FRMPD4: variants seen among roughly 807,000 people sequenced by gnomAD.
The protein encoded by FRMPD4 is FERM and PDZ domain containing 4, also known as FERM and PDZ domain-containing protein 4.
In FRMPD4, 22 loss-of-function variants were observed where a neutral mutation model predicts 94.1. The ratio of observed to expected loss-of-function variants is 0.23; its 90% CI spans 0.17 to 0.33. FRMPD4 has a LOEUF of 0.33. FRMPD4 is among the 10% of genes least tolerant of loss of function. The pLI is 1.00. For missense variants in FRMPD4, 1,111 were observed against 1,339.9 expected, an observed-to-expected ratio of 0.83 and a Z score of 2.67; for synonymous variants, 631 against 548.6, an observed-to-expected ratio of 1.15 and a Z score of -2.10.
At chrX:12,387,672 G>C (rs2148032135) in intron 1 of FRMPD4, among the ~76,000 whole-genome samples, 1 of 109,926 alleles carries the variant, frequency 9.1e-6, no homozygotes, top group African/African-American at 3.3e-5. Flanking sequence ...TTGATATATG[G>C]GTATCATGTC....
intron 1 of FRMPD4, among the ~76,000 whole-genome samples, chrX:12,242,994 C>T (rs1282170041): frequency 1.8e-5 from 2 of 112,562 alleles, no homozygotes; most frequent in Admixed American, 9.4e-5. Flanking sequence ...CTTCCTTGGC[C>T]TCCCAAAGTG....
chrX:12,465,685 T>C (rs150336051), intron 1 of FRMPD4, among the ~76,000 whole-genome samples: 1 of 112,041 alleles, frequency 8.9e-6, no homozygotes. Context: ...AAGCATTTGC[T>C]TGGGAGAGTT....
chrX:11,873,581 A>T (rs967907327), intron 2 of FRMPD4, among the ~76,000 whole-genome samples: 8 of 110,825 alleles, frequency 7.2e-5, no homozygotes, highest in Non-Finnish European at 1.5e-4. Context: ...GCTGAGGGAA[A>T]CTAAAGAAGA....
chrX:12,370,187 G>A (rs1601867711), intron 1 of FRMPD4, among the ~76,000 whole-genome samples: 1 of 111,886 alleles, frequency 8.9e-6, no homozygotes, highest in Admixed American at 9.5e-5. Context: ...TTTTTGAACT[G>A]GGGCCGGGTG....
intron 1 of FRMPD4, among the ~76,000 whole-genome samples, chrX:12,191,173 G>T (rs568255315): frequency 8.9e-6 from 1 of 111,820 alleles, no homozygotes; most frequent in Admixed American, 9.5e-5. Context: ...TCAGGGAAAC[G>T]CAAATTAAAA....
chrX:12,494,641 C>T (rs1224616480), intron 1 of FRMPD4, among the ~76,000 whole-genome samples: 2 of 111,586 alleles, frequency 1.8e-5, no homozygotes, highest in East Asian at 2.8e-4. Flanking sequence ...GCGAGCTGGC[C>T]ATCGAGATTT....
chrX:12,691,036 T>G (rs1194425428), intron 8 of FRMPD4, among the ~76,000 whole-genome samples: 2 of 112,271 alleles, frequency 1.8e-5, no homozygotes, highest in Non-Finnish European at 3.8e-5. Flanking sequence ...AAGCATCAGA[T>G]GCTGCCAGCT....
chrX:11,891,070 C>T (rs1447520074), intron 3 of FRMPD4, among the ~76,000 whole-genome samples: 1 of 112,867 alleles, frequency 8.9e-6, no homozygotes, highest in Non-Finnish European at 1.9e-5. Context: ...TCAGAGAGTG[C>T]AGTCCAGCAT....
At chrX:12,185,810 A>C (rs2056417980) in intron 1 of FRMPD4, among the ~76,000 whole-genome samples, 1 of 111,501 alleles carries the variant, frequency 9.0e-6, no homozygotes, top group Non-Finnish European at 1.9e-5. Flanking sequence ...TTGCATATTC[A>C]CCGGAAATCA....
At chrX:12,623,824 A>T (rs1269946569) in intron 4 of FRMPD4, among the ~76,000 whole-genome samples, 1 of 112,230 alleles carries the variant, frequency 8.9e-6, no homozygotes, top group Non-Finnish European at 1.9e-5. Context: ...TGGATTGCTC[A>T]TCAGAAACCT....
intron 1 of FRMPD4, among the ~76,000 whole-genome samples, chrX:12,365,966 A>G (rs1169856367): frequency 8.9e-5 from 10 of 112,400 alleles, no homozygotes; most frequent in Admixed American, 6.6e-4. Context: ...CTGGAGAGAG[A>G]TGAATAAGCG....
intron 11 of FRMPD4, 57 bp downstream of exon 11, chrX:12,704,542 T>G (rs1239159955): frequency 6.0e-6 from 5 of 830,323 alleles, no homozygotes; most frequent in African/African-American, 2.1e-5. Context: ...AATGCATTTT[T>G]TAAATGTTTA....
chrX:12,430,675 A>C (rs573683618), intron 1 of FRMPD4, among the ~76,000 whole-genome samples: 1 of 112,129 alleles, frequency 8.9e-6, no homozygotes, highest in East Asian at 2.8e-4. Context: ...CTCAATGACA[A>C]GGTGAAGGAT....
At chrX:12,008,535 T>C (rs1357057210) in intron 3 of FRMPD4, among the ~76,000 whole-genome samples, 2 of 112,638 alleles carry the variant, frequency 1.8e-5, no homozygotes, top group Non-Finnish European at 3.8e-5. Context: ...CTCAAAGTCA[T>C]CCTCAGCAGA....
At chrX:12,270,806 A>G (rs2054344791) in intron 1 of FRMPD4, among the ~76,000 whole-genome samples, 1 of 111,713 alleles carries the variant, frequency 9.0e-6, no homozygotes, top group Admixed American at 9.5e-5. Flanking sequence ...CTTATGGGTG[A>G]GATCTCAGTG....
At chrX:11,979,158 C>T (rs1187861996) in intron 3 of FRMPD4, among the ~76,000 whole-genome samples, 2 of 111,419 alleles carry the variant, frequency 1.8e-5, no homozygotes, top group East Asian at 5.6e-4. Context: ...CCAGCAGTGG[C>T]CATTTCCCTG....
intron 1 of FRMPD4, among the ~76,000 whole-genome samples, chrX:12,492,721 G>C: frequency 9.0e-6 from 1 of 111,633 alleles, no homozygotes; most frequent in Non-Finnish European, 1.9e-5. Context: ...GTGGGGCTTT[G>C]AAGTTATTTT....
chrX:12,650,618 A>G (rs1406310938), intron 4 of FRMPD4, among the ~76,000 whole-genome samples: 1 of 112,020 alleles, frequency 8.9e-6, no homozygotes, highest in Non-Finnish European at 1.9e-5. Context: ...TAGTATTTGG[A>G]GAAGGGAAGT....
intron 3 of FRMPD4, among the ~76,000 whole-genome samples, chrX:12,059,512 T>C (rs1448159193): frequency 9.0e-6 from 1 of 111,048 alleles, no homozygotes; most frequent in Non-Finnish European, 1.9e-5. Flanking sequence ...TGTAGGTTTG[T>C]TAACTGGTTA....
Sources: allele counts gnomAD v4.1 joint callset (sites outside exome capture counted in the v4.1 genomes callset), GRCh38; gene constraint gnomAD v4.1.1; transcripts MANE v1.5; gene names NCBI Gene and HGNC (gene_info 2026-07-23, HGNC 2026-07-21).